WWOX: variants seen among roughly 807,000 people sequenced by gnomAD.
The protein encoded by WWOX is WW domain containing oxidoreductase.
Under a neutral mutation model 46.2 loss-of-function variants are expected in WWOX, and 69 were observed. The ratio of observed to expected loss-of-function variants is 1.49; its 90% CI spans 1.23 to 1.82. WWOX has a LOEUF of 1.82. Among genes scored for constraint, WWOX ranks in the 40% most tolerant of loss-of-function variants. WWOX has a pLI of 0.00. For missense variants in WWOX, 919 were observed against 542.6 expected (o/e 1.69, Z -6.89); for synonymous variants, 359 against 202.6 (o/e 1.77, Z -6.56).
chr16:78,989,821 C>CGTGTGTTTTTGTGTGT (rs34409137), intron 8 of WWOX, among the ~76,000 whole-genome samples: 2 of 136,402 alleles, frequency 1.5e-5, no homozygotes, highest in African/African-American at 5.5e-5. Context: ...GGTGTGTGAG[C>CGTGTGTTTTTGTGTGT]GTGTGTGTGT....
chr16:78,235,672 G>T (rs1597384687), intron 5 of WWOX, among the ~76,000 whole-genome samples: 2 of 152,192 alleles, frequency 1.3e-5, no homozygotes, highest in African/African-American at 4.8e-5. Context: ...GTTCAGTGTA[G>T]TCACTGTTGT....
intron 8 of WWOX, among the ~76,000 whole-genome samples, chr16:78,817,478 A>T (rs556534176): frequency 3.4e-4 from 52 of 152,300 alleles, no homozygotes; most frequent in African/African-American, 1.1e-3. Flanking sequence ...GCTTCTCTGG[A>T]TGTGCATAAG....
chr16:78,926,416 G>C (rs1302402136), intron 8 of WWOX, among the ~76,000 whole-genome samples: 1 of 151,632 alleles, frequency 6.6e-6, no homozygotes, highest in African/African-American at 2.4e-5. Context: ...CCTGGCCCAT[G>C]CAATTTGAAT....
At chr16:78,362,663 G>A (rs2081436453) in intron 5 of WWOX, among the ~76,000 whole-genome samples, 2 of 152,130 alleles carry the variant, frequency 1.3e-5, no homozygotes. Context: ...GTGCTTGTAG[G>A]AGAGGCATTT....
At chr16:78,521,679 A>G (rs1037449803) in intron 8 of WWOX, among the ~76,000 whole-genome samples, 5 of 152,236 alleles carry the variant, frequency 3.3e-5, no homozygotes, top group African/African-American at 9.6e-5. Context: ...CACAGGTGTT[A>G]TCAAGATGGT....
intron 8 of WWOX, among the ~76,000 whole-genome samples, chr16:79,013,379 C>G (rs1048876336): frequency 5.9e-5 from 9 of 152,160 alleles, no homozygotes; most frequent in Admixed American, 2.6e-4. Context: ...TGCCCCGATC[C>G]CTATCTTGTC....
intron 8 of WWOX, among the ~76,000 whole-genome samples, chr16:79,034,888 A>T (rs947415195): frequency 6.6e-6 from 1 of 152,194 alleles, no homozygotes; most frequent in Non-Finnish European, 1.5e-5. Context: ...AAAATAAAAG[A>T]TAATGGAATT....
At chr16:79,031,434 G>T (rs569966010) in intron 8 of WWOX, among the ~76,000 whole-genome samples, 55,799 of 151,476 alleles carry the variant, frequency 0.37, 11,187 homozygotes, top group East Asian at 0.64. Context: ...ACATCTTCAA[G>T]TGGGCTGAAG....
intron 8 of WWOX, among the ~76,000 whole-genome samples, chr16:78,834,788 T>C (rs1484334938): frequency 6.6e-6 from 1 of 152,180 alleles, no homozygotes; most frequent in East Asian, 1.9e-4. Context: ...AATCATTACA[T>C]TAGTTTACCC....
intron 8 of WWOX, among the ~76,000 whole-genome samples, chr16:78,561,246 CT>C (rs1193805049): frequency 6.6e-6 from 1 of 152,182 alleles, no homozygotes; most frequent in African/African-American, 2.4e-5. Flanking sequence ...ATGGAGTCCC[CT>C]CCTGCTTTGA....
chr16:79,209,654 C>G (rs757457398), intron 8 of WWOX, among the ~76,000 whole-genome samples: 1 of 152,144 alleles, frequency 6.6e-6, no homozygotes, highest in Non-Finnish European at 1.5e-5. Flanking sequence ...GAAGTTGATA[C>G]AAAACACCAT....
chr16:78,474,825 C>T (rs997938527), intron 8 of WWOX, among the ~76,000 whole-genome samples: 5 of 152,182 alleles, frequency 3.3e-5, no homozygotes, highest in Non-Finnish European at 5.9e-5. Context: ...TTAATGGGCT[C>T]ACACGATATG....
chr16:79,200,245 G>C (rs906594441), intron 8 of WWOX, among the ~76,000 whole-genome samples: 1 of 152,138 alleles, frequency 6.6e-6, no homozygotes, highest in Non-Finnish European at 1.5e-5. Context: ...GAGGAGAAAG[G>C]TCCCTGCTGG....
chr16:78,857,318 T>G (rs376447046), intron 8 of WWOX, among the ~76,000 whole-genome samples: 9 of 152,210 alleles, frequency 5.9e-5, no homozygotes, highest in East Asian at 5.8e-4. Flanking sequence ...AGATACTGTT[T>G]TTCACCATGA....
At chr16:78,439,866 G>A (rs2083408356) in intron 8 of WWOX, among the ~76,000 whole-genome samples, 1 of 152,174 alleles carries the variant, frequency 6.6e-6, no homozygotes, top group East Asian at 1.9e-4. Flanking sequence ...GCCAGCCATT[G>A]CATCCTATTT....
chr16:78,468,382 C>T (rs1246221857), intron 8 of WWOX, among the ~76,000 whole-genome samples: 4 of 151,764 alleles, frequency 2.6e-5, no homozygotes, highest in South Asian at 2.1e-4. Flanking sequence ...CTTAACCCCA[C>T]GTATTGTTGC....
At chr16:78,225,650 T>G (rs2037029166) in intron 5 of WWOX, among the ~76,000 whole-genome samples, 1 of 152,162 alleles carries the variant, frequency 6.6e-6, no homozygotes. Flanking sequence ...ATCCAGCTGA[T>G]TTTCTCCAGA....
At chr16:78,949,255 C>T (rs1429169446) in intron 8 of WWOX, among the ~76,000 whole-genome samples, 1 of 152,126 alleles carries the variant, frequency 6.6e-6, no homozygotes, top group East Asian at 1.9e-4. Flanking sequence ...CCACCTGAGC[C>T]ACTCTTTGCC....
At chr16:78,973,058 G>T (rs2046503199) in intron 8 of WWOX, among the ~76,000 whole-genome samples, 2 of 152,110 alleles carry the variant, frequency 1.3e-5, no homozygotes, top group Admixed American at 6.6e-5. Context: ...GTTTCCCCTG[G>T]GATTAAACAG....
Sources: allele counts gnomAD v4.1 joint callset (sites outside exome capture counted in the v4.1 genomes callset), GRCh38; gene constraint gnomAD v4.1.1; transcripts MANE v1.5; gene names NCBI Gene and HGNC (gene_info 2026-07-23, HGNC 2026-07-21).